Variants in OSBPL10 observed in about 807,000 individuals in gnomAD.
OSBPL10 encodes the protein oxysterol-binding protein-related protein 10.
Under a neutral mutation model 81.7 loss-of-function variants are expected in OSBPL10, and 49 were observed. The observed-to-expected ratio is 0.60, with a 90% confidence interval of 0.48 to 0.76. OSBPL10 has a LOEUF of 0.76. Ranked by LOEUF, OSBPL10 falls within the 30% of genes least tolerant of loss-of-function variation. The pLI, the probability that OSBPL10 is intolerant of heterozygous loss-of-function variation, is 0.00. For synonymous variants in OSBPL10, 419 were observed against 383.6 expected (o/e 1.09, Z -1.08); for missense variants, 923 against 987.8 (o/e 0.93, Z 0.88).
At chr3:32,052,182 G>A (rs1208679113) in intron 1 of OSBPL10, among the ~76,000 whole-genome samples, 1 of 151,654 alleles carries the variant, frequency 6.6e-6, no homozygotes, top group Non-Finnish European at 1.5e-5. Flanking sequence ...GGGAGGTAGA[G>A]GTTGGAATGA....
In OSBPL10 at chr3:32,061,046, T is replaced by C. The variant is rs1399263817; in HGVS notation, n.186-14443A>G. The stretch of plus-strand genomic sequence containing the variant: ...CCTCGACACAATCACCCCTCTTCAG[T>C]TCCTCAAACAAGCCCCATTCTTTCC... On this transcript the variant is annotated intron_variant and non_coding_transcript_variant, in intron 1 of 3. Coordinates refer to the OSBPL10 transcript ENST00000479173. Among the ~76,000 whole-genome samples, 22 of 88,390 alleles carry C rather than the reference T, an allele frequency of 2.5e-4. 6 individuals carry two copies. The highest frequency in any genetic ancestry group is 6.3e-4 in the African/African-American group (22 of 34,676). 58.0% of individuals were successfully genotyped at this position (88,390 alleles called of 152,430 possible).
intron 1 of OSBPL10, among the ~76,000 whole-genome samples, chr3:31,948,453 G>A (rs1697765199): frequency 6.6e-6 from 1 of 152,128 alleles, no homozygotes; most frequent in Non-Finnish European, 1.5e-5. Context: ...GTTCCCTATT[G>A]CAAGCAGCAG....
chr3:31,798,004 G>C (rs905538931), intron 4 of OSBPL10, among the ~76,000 whole-genome samples: 1 of 152,084 alleles, frequency 6.6e-6, no homozygotes, highest in Non-Finnish European at 1.5e-5. Flanking sequence ...CGGGCATAAG[G>C]AGCTATCTGC....
chr3:32,077,388 C>T (rs1178043164), intron 1 of OSBPL10: 1 of 152,224 alleles, frequency 6.6e-6, no homozygotes. Flanking sequence ...CGGTAATTAT[C>T]ACATTACCTC....
chr3:31,745,092 C>A (rs1312621618), intron 5 of OSBPL10, among the ~76,000 whole-genome samples: 5 of 152,204 alleles, frequency 3.3e-5, no homozygotes, highest in Admixed American at 3.3e-4. Context: ...ATTCTTAAAG[C>A]TGAGAAGCAA....
In OSBPL10 at chr3:31,737,909, T is replaced by C. The variant is rs373214988; in HGVS notation, c.941-4498A>G. The stretch of plus-strand genomic sequence containing the variant: ...CGGGAGGCTGAGGCACGAGAATCAC[T>C]TGAACCCGGGAGGCAGAGGTTGCAG... On this transcript the variant is annotated intron_variant, in intron 5 of 11. Coordinates refer to ENST00000396556, the MANE Select transcript of OSBPL10 (RefSeq NM_017784.5). Among the ~76,000 whole-genome samples, 308 of 151,912 alleles carry C rather than the reference T, an allele frequency of 2.0e-3. 1 individual carries two copies. The highest frequency in any genetic ancestry group is 7.2e-3 in the African/African-American group (296 of 41,388).
chr3:31,752,713 G>A (rs976264495), intron 4 of OSBPL10, among the ~76,000 whole-genome samples: 9 of 152,190 alleles, frequency 5.9e-5, no homozygotes, highest in African/African-American at 1.7e-4. Flanking sequence ...CAAGGGCTGC[G>A]GGAGACAGCA....
chr3:31,674,469 A>T (rs1291358307), intron 8 of OSBPL10, among the ~76,000 whole-genome samples: 2 of 152,092 alleles, frequency 1.3e-5, no homozygotes, highest in Non-Finnish European at 2.9e-5. Flanking sequence ...TTAAGATAGG[A>T]GGATCACTTG....
intron 9 of OSBPL10, among the ~76,000 whole-genome samples, chr3:31,670,293 A>T (rs183058816): frequency 6.6e-6 from 1 of 152,396 alleles, no homozygotes; most frequent in Non-Finnish European, 1.5e-5. Flanking sequence ...TTATAGCTGC[A>T]GCAATAAAAA....
At chr3:31,714,019 T>C (rs1165354957) in intron 6 of OSBPL10, 2 of 152,198 alleles carry the variant, frequency 1.3e-5, no homozygotes, top group Admixed American at 1.3e-4. Flanking sequence ...GAGGAACTGC[T>C]GAAGATTCTG....
At chr3:31,745,361 GA>G (rs1697488947) in intron 5 of OSBPL10, among the ~76,000 whole-genome samples, 1 of 152,166 alleles carries the variant, frequency 6.6e-6, no homozygotes, top group Admixed American at 6.5e-5. Flanking sequence ...TAAGTGGTTA[GA>G]AAATTATAAT....
At chr3:31,762,630 A>AATTTTTTTTTTTTTTTTT (rs1698079634) in intron 4 of OSBPL10, among the ~76,000 whole-genome samples, 2 of 61,514 alleles carry the variant, frequency 3.3e-5, no homozygotes, top group Non-Finnish European at 5.3e-5. Flanking sequence ...CATGCCCAGC[A>AATTTTTTTTTTTTTTTTT]TTTTTTTTTT....
intron 3 of OSBPL10, among the ~76,000 whole-genome samples, chr3:31,875,558 A>G (rs1010102154): frequency 1.2e-5 from 1 of 84,606 alleles, no homozygotes; most frequent in Non-Finnish European, 2.6e-5. Context: ...GTTTCTTTAA[A>G]AAAAAAAAAA....
At position 31,969,926 on chromosome 3, in the gene OSBPL10, G is replaced by A. The variant is rs1698507467; in HGVS notation, c.281+10973C>T. 7.9e-5 allele frequency among the ~76,000 whole-genome samples: 12 copies of A among 151,758 alleles called. No homozygotes were observed. In the South Asian group the frequency reaches 2.5e-3, roughly 32 times the overall value. ...GAAAGGCCATGGAGAGAAAGAGTAT[G>A]CGGGGGTGGGGGGCGCGGGGCAGGA... is the stretch of plus-strand genomic sequence containing the variant. On this transcript the variant is annotated intron_variant, in intron 1 of 11. Transcript: ENST00000396556.
At chr3:31,662,944 A>C (rs1700102375) in intron 11 of OSBPL10, 1 of 985,462 alleles carries the variant, frequency 1.0e-6, no homozygotes, top group Non-Finnish European at 1.2e-6. Context: ...CCATAAAGGC[A>C]AAGTCTTCTC....
rs900359086 is a variant in OSBPL10 at position 32,056,013 on chromosome 3, G to A, written n.186-9410C>T. On this transcript the variant is annotated intron_variant and non_coding_transcript_variant, in intron 1 of 3. Coordinates refer to the OSBPL10 transcript ENST00000479173. ...AAAACCAATTAAAAAGAGCCTATGT[G>A]ACAAATAATTATTCTTGCTGCACTT... 2.0e-5 allele frequency among the ~76,000 whole-genome samples: 3 copies of A among 152,152 alleles called. No homozygotes were observed. In the East Asian group the frequency reaches 5.8e-4, roughly 29 times the overall value.
At chr3:32,073,950 C>T (rs1699853668) in intron 1 of OSBPL10, among the ~76,000 whole-genome samples, 1 of 152,128 alleles carries the variant, frequency 6.6e-6, no homozygotes, top group Admixed American at 6.5e-5. Context: ...TTCTCATTCC[C>T]ATTCTTATGC....
At chr3:31,809,013 A>C (rs13076635) in intron 4 of OSBPL10, among the ~76,000 whole-genome samples, 2 of 152,066 alleles carry the variant, frequency 1.3e-5, no homozygotes, top group African/African-American at 4.8e-5. Context: ...CTCCATGCTT[A>C]AGGTAAACAA....
chr3:31,790,306 G>A (rs1191075444), intron 4 of OSBPL10, among the ~76,000 whole-genome samples: 1 of 152,148 alleles, frequency 6.6e-6, no homozygotes, highest in Non-Finnish European at 1.5e-5. Flanking sequence ...CCAGCCAAGG[G>A]TGTAAATTAG....
Sources: allele counts gnomAD v4.1 joint callset (sites outside exome capture counted in the v4.1 genomes callset), GRCh38; gene constraint gnomAD v4.1.1; transcripts MANE v1.5; gene names NCBI Gene and HGNC (gene_info 2026-07-23, HGNC 2026-07-21).